ARL15: variants seen among roughly 807,000 people sequenced by gnomAD.
The protein encoded by ARL15 is ARF like GTPase 15.
A neutral mutation model predicts 25.2 loss-of-function variants in ARL15; 19 were observed. The observed-to-expected ratio is 0.75, with a 90% CI of 0.53 to 1.10. The LOEUF (loss-of-function observed/expected upper bound fraction) is 1.10. Ranked by LOEUF, ARL15 falls within the 50% of genes least tolerant of loss-of-function variation. The probability of loss-of-function intolerance (pLI) is 0.00; values close to 1 mark genes in which losing one functional copy is unlikely to be tolerated. For missense variants in ARL15, 220 were observed against 246.0 expected, an observed-to-expected ratio of 0.89 and a Z score of 0.71; for synonymous variants, 94 against 86.8, an observed-to-expected ratio of 1.08 and a Z score of -0.46.
chr5:53,910,636 TATATA>T (rs1561145449), intron 4 of ARL15, among the ~76,000 whole-genome samples: 4,787 of 109,232 alleles, frequency 0.044, 287 homozygotes, highest in Middle Eastern at 0.1. Context: ...AAAAAAATTA[TATATA>T]TATATATATA....
chr5:54,021,266 C>T (rs1229009075), intron 4 of ARL15, among the ~76,000 whole-genome samples: 3 of 152,040 alleles, frequency 2.0e-5, no homozygotes, highest in South Asian at 4.1e-4. Context: ...ACCCGGGAGG[C>T]GGAGATTGCA....
At chr5:54,272,107 CTTTT>C (rs34592464) in intron 1 of ARL15, among the ~76,000 whole-genome samples, 3 of 36,748 alleles carry the variant, frequency 8.2e-5, no homozygotes, top group Non-Finnish European at 1.7e-4. Flanking sequence ...CCACTCCTGG[CTTTT>C]TTTTTTTTTT....
At chr5:53,970,634 AAC>A (rs1432383633) in intron 4 of ARL15, among the ~76,000 whole-genome samples, 71 of 152,330 alleles carry the variant, frequency 4.7e-4, no homozygotes, top group African/African-American at 1.7e-3. Flanking sequence ...AAATGTTATT[AAC>A]AGTTACAGAG....
At chr5:54,024,394 A>G (rs890672793) in intron 4 of ARL15, among the ~76,000 whole-genome samples, 5 of 152,228 alleles carry the variant, frequency 3.3e-5, no homozygotes, top group African/African-American at 9.6e-5. Context: ...AGAAAACCAA[A>G]TTCGTGAGTA....
At chr5:54,138,000 C>T (rs1753657655) in intron 3 of ARL15, among the ~76,000 whole-genome samples, 3 of 151,892 alleles carry the variant, frequency 2.0e-5, no homozygotes, top group Non-Finnish European at 4.4e-5. Context: ...CTGGAAAATA[C>T]GCAGCCAAAT....
At chr5:53,953,653 C>A (rs1030956102) in intron 4 of ARL15, among the ~76,000 whole-genome samples, 2 of 152,026 alleles carry the variant, frequency 1.3e-5, no homozygotes, top group African/African-American at 4.8e-5. Flanking sequence ...TGGGTAGAGG[C>A]AGGGGCAGGT....
At chr5:54,083,901 A>T (rs273219) in intron 4 of ARL15, among the ~76,000 whole-genome samples, 82,707 of 152,000 alleles carry the variant, frequency 0.54, 23,588 homozygotes, top group Non-Finnish European at 0.63. Flanking sequence ...TATCATACAT[A>T]TGCTAAAATT....
At chr5:53,920,887 G>A (rs1446886101) in intron 4 of ARL15, among the ~76,000 whole-genome samples, 1 of 152,098 alleles carries the variant, frequency 6.6e-6, no homozygotes, top group African/African-American at 2.4e-5. Flanking sequence ...CTCCAGGCCT[G>A]GCTCAAACTA....
chr5:54,072,099 G>C (rs1751445573), intron 4 of ARL15, among the ~76,000 whole-genome samples: 1 of 152,016 alleles, frequency 6.6e-6, no homozygotes, highest in Non-Finnish European at 1.5e-5. Context: ...ATTGTTTTCA[G>C]GACATTTGCA....
At chr5:54,092,431 C>A (rs928984710) in intron 4 of ARL15, among the ~76,000 whole-genome samples, 10 of 151,520 alleles carry the variant, frequency 6.6e-5, no homozygotes, top group Admixed American at 5.9e-4. Flanking sequence ...AAATGAATGA[C>A]CAAGCATGGA....
chr5:54,221,549 G>A (rs1175475991), intron 1 of ARL15, among the ~76,000 whole-genome samples: 2 of 151,644 alleles, frequency 1.3e-5, no homozygotes, highest in Non-Finnish European at 2.9e-5. Context: ...CAAGAAGATG[G>A]GGTGTGTATA....
chr5:54,297,660 G>A (rs1758500944), intron 1 of ARL15, among the ~76,000 whole-genome samples: 1 of 152,166 alleles, frequency 6.6e-6, no homozygotes, highest in African/African-American at 2.4e-5. Flanking sequence ...GACCTCTGCA[G>A]TCTTCAATTC....
intron 4 of ARL15, among the ~76,000 whole-genome samples, chr5:54,089,006 G>A (rs189911670): frequency 6.6e-6 from 1 of 152,154 alleles, no homozygotes; most frequent in Non-Finnish European, 1.5e-5. Flanking sequence ...ATGGAGTGTT[G>A]TCGCATATGA....
chr5:53,926,844 AC>A (rs947820683), intron 4 of ARL15, among the ~76,000 whole-genome samples: 17 of 151,626 alleles, frequency 1.1e-4, no homozygotes, highest in African/African-American at 4.1e-4. Flanking sequence ...AGCCAGGAAA[AC>A]CCCCCACAAA....
At chr5:54,061,112 A>AG (rs2112030075) in intron 4 of ARL15, among the ~76,000 whole-genome samples, 1 of 152,324 alleles carries the variant, frequency 6.6e-6, no homozygotes, top group African/African-American at 2.4e-5. Context: ...CCAGAGGTCT[A>AG]GGAAGAAAAA....
At chr5:53,901,185 A>C (rs1168577476) in intron 4 of ARL15, among the ~76,000 whole-genome samples, 1 of 152,064 alleles carries the variant, frequency 6.6e-6, no homozygotes, top group African/African-American at 2.4e-5. Context: ...CTTTCTGTCA[A>C]TCATTTCCAC....
intron 3 of ARL15, among the ~76,000 whole-genome samples, chr5:54,117,451 T>C (rs1476979510): frequency 6.6e-6 from 1 of 151,132 alleles, no homozygotes; most frequent in Non-Finnish European, 1.5e-5. Context: ...GTCCCTTATA[T>C]GACATAATGT....
At chr5:54,039,160 G>A (rs932114449) in intron 4 of ARL15, among the ~76,000 whole-genome samples, 2 of 152,060 alleles carry the variant, frequency 1.3e-5, no homozygotes, top group Non-Finnish European at 1.5e-5. Context: ...ATGCATGTAC[G>A]TAGGCATCCA....
At chr5:54,076,727 C>T (rs1395809919) in intron 4 of ARL15, among the ~76,000 whole-genome samples, 1 of 151,728 alleles carries the variant, frequency 6.6e-6, no homozygotes, top group Non-Finnish European at 1.5e-5. Context: ...AATTACAACA[C>T]TTAAAAGATG....
Sources: gnomAD v4.1 joint callset for allele counts (sites outside exome capture counted in the v4.1 genomes callset) on GRCh38, gnomAD v4.1.1 for gene constraint, MANE v1.5 for transcripts, NCBI Gene and HGNC (gene_info 2026-07-23, HGNC 2026-07-21) for gene names.